Variants in FHOD3 observed in about 807,000 individuals in gnomAD.
FHOD3 encodes the protein FH1/FH2 domain-containing protein 3.
A neutral mutation model predicts 173.0 loss-of-function variants in FHOD3; 90 were observed. The ratio of observed to expected loss-of-function variants is 0.52; its 90% CI spans 0.44 to 0.62. The LOEUF (loss-of-function observed/expected upper bound fraction) is 0.62, where lower values mean the gene tolerates loss of function less well. FHOD3 is among the 20% of genes least tolerant of loss of function. The pLI is 0.00. For missense variants in FHOD3, 1,945 were observed against 2,034.7 expected (o/e 0.96, Z 0.85); for synonymous variants, 828 against 823.0 (o/e 1.01, Z -0.10).
intron 28 of FHOD3, among the ~76,000 whole-genome samples, chr18:36,772,694 G>T (rs538710663): frequency 6.6e-6 from 1 of 152,380 alleles, no homozygotes; most frequent in South Asian, 2.1e-4. Flanking sequence ...CAAGGGCCTC[G>T]TAATAGATTC....
At chr18:36,426,846 CAA>C (rs2050273658) in intron 3 of FHOD3, among the ~76,000 whole-genome samples, 1 of 152,142 alleles carries the variant, frequency 6.6e-6, no homozygotes, top group Admixed American at 6.5e-5. Flanking sequence ...CCATAAAACC[CAA>C]AGAGTGTGCC....
intron 5 of FHOD3, among the ~76,000 whole-genome samples, chr18:36,528,128 T>A (rs1331154708): frequency 6.6e-6 from 1 of 152,100 alleles, no homozygotes; most frequent in Non-Finnish European, 1.5e-5. Flanking sequence ...GGCAGGCCCT[T>A]CAATAAAGGA....
At chr18:36,612,129 A>T (rs778972185) in intron 9 of FHOD3, 34 bp downstream of exon 9, 27 of 1,596,236 alleles carry the variant, frequency 1.7e-5, no homozygotes, top group Non-Finnish European at 2.3e-5. Context: ...GGTATCGTAC[A>T]GCTTTGGCAA....
intron 8 of FHOD3, 134 bp downstream of exon 8, chr18:36,602,902 C>A (rs2031582099): frequency 2.9e-6 from 2 of 685,970 alleles, no homozygotes; most frequent in South Asian, 1.7e-5. Flanking sequence ...TGAGGGTGGG[C>A]TCTGATGCAG....
rs58493993 is a variant in FHOD3 at position 36,514,014 on chromosome 18, C to CTTTTTTTTTTTTTTTTTTTTTTTTTT, written c.511+1483_511+1484insTTTTTTTTTTTTTTTTTTTTTTTTTT. Among the ~76,000 whole-genome samples the CTTTTTTTTTTTTTTTTTTTTTTTTTT allele has an allele frequency of 2.5e-4, 26 of 104,640 alleles. 4 individuals carry two copies. The highest frequency in any genetic ancestry group is 5.4e-4 in the Admixed American group (5 of 9,344). 68.6% of individuals were successfully genotyped at this position (104,640 alleles called of 152,430 possible). A position where few individuals can be genotyped will look rare whatever the true frequency, so the allele number is the denominator to read the frequency against. ...ATTGCTGAATTTTGCTATTTCTATT[C>CTTTTTTTTTTTTTTTTTTTTTTTTTT]TTTTTTTTTTTTGAGATGGAGTCTT... On this transcript the variant is annotated intron_variant, in intron 5 of 28. Coordinates refer to ENST00000590592, the MANE Select transcript of FHOD3 (RefSeq NM_001281740.3).
intron 5 of FHOD3, among the ~76,000 whole-genome samples, chr18:36,545,742 G>T (rs1196083938): frequency 6.6e-6 from 1 of 152,230 alleles, no homozygotes; most frequent in East Asian, 1.9e-4. Context: ...ACATTTGAAC[G>T]ATACTGATGG....
chr18:36,614,927 C>T (rs1365835110), intron 9 of FHOD3, among the ~76,000 whole-genome samples: 7 of 149,780 alleles, frequency 4.7e-5, no homozygotes, highest in Admixed American at 2.0e-4. Context: ...CTCGGCTCAC[C>T]GCAACCTCCA....
chr18:36,609,607 CTTT>C (rs1181851197), intron 8 of FHOD3, among the ~76,000 whole-genome samples: 8 of 118,166 alleles, frequency 6.8e-5, no homozygotes, highest in Middle Eastern at 4.6e-3. Flanking sequence ...CTTTTTAGTT[CTTT>C]TTTTTTTTTT....
chr18:36,720,800 T>TCCTCTTCCTCCC (rs1283821525), intron 19 of FHOD3, among the ~76,000 whole-genome samples: 1 of 107,078 alleles, frequency 9.3e-6, no homozygotes, highest in Non-Finnish European at 2.0e-5. Flanking sequence ...CTCTTCCTCC[T>TCCTCTTCCTCCC]CCTCTTCCTC....
chr18:36,553,115 T>C (rs2057728825), intron 5 of FHOD3, among the ~76,000 whole-genome samples: 1 of 152,198 alleles, frequency 6.6e-6, no homozygotes, highest in East Asian at 1.9e-4. Flanking sequence ...ATATGATGGA[T>C]TACATTTATT....
chr18:36,681,332 G>C, intron 14 of FHOD3, 104 bp from the exon 15 acceptor site: 1 of 1,391,030 alleles, frequency 7.2e-7, no homozygotes, highest in South Asian at 1.4e-5. Flanking sequence ...GCATTGCCTA[G>C]GTACCGGCAG....
At chr18:36,736,094 GCTTGCAGCTCTCAACCCCTCT>G (rs1351357704) in intron 20 of FHOD3, among the ~76,000 whole-genome samples, 3 of 152,252 alleles carry the variant, frequency 2.0e-5, no homozygotes, top group African/African-American at 7.2e-5. Flanking sequence ...CACTTACTCA[GCTTGCAGCTCTCAACCCCTCT>G]AGGGAGTGGG....
chr18:36,579,455 T>A (rs181801410), intron 6 of FHOD3, among the ~76,000 whole-genome samples: 7 of 152,154 alleles, frequency 4.6e-5, no homozygotes, highest in African/African-American at 1.7e-4. Context: ...TGGGGAAGAA[T>A]CACTGTGAGC....
chr18:36,309,077 G>C (rs1375045625), intron 1 of FHOD3, among the ~76,000 whole-genome samples: 2 of 152,102 alleles, frequency 1.3e-5, no homozygotes, highest in Non-Finnish European at 2.9e-5. Flanking sequence ...ATGCTGTCCT[G>C]GATGGTGTGG....
chr18:36,340,771 G>A (rs2045572235), intron 1 of FHOD3, among the ~76,000 whole-genome samples: 1 of 151,890 alleles, frequency 6.6e-6, no homozygotes, highest in South Asian at 2.1e-4. Flanking sequence ...CGAGTAGCTG[G>A]GACTACAGGC....
rs148682608 is a variant in FHOD3, at chr18:36,653,738, A to G, written c.1721+322A>G. On this transcript the variant is annotated intron_variant, in intron 13 of 28. Transcript: ENST00000590592. ...GGGGAACTGGGAATAGAGTTGGCAT[A>G]TTTTGAACAATCAGTCGTCCAAAAA... 4.9e-3 allele frequency among the ~76,000 whole-genome samples: 743 copies of G among 152,286 alleles called. 5 individuals are homozygous for G. Among genetic ancestry groups the G allele is most frequent in the African/African-American group, 0.016 (669 of 41,554 alleles).
At chr18:36,515,101 G>A (rs757699475) in intron 5 of FHOD3, among the ~76,000 whole-genome samples, 2 of 152,202 alleles carry the variant, frequency 1.3e-5, no homozygotes, top group Admixed American at 6.5e-5. Context: ...ACAGGTCCTG[G>A]TGGTGAGGGG....
chr18:36,426,151 GC>G (rs983333983), intron 3 of FHOD3, among the ~76,000 whole-genome samples: 126 of 151,874 alleles, frequency 8.3e-4, no homozygotes, highest in African/African-American at 2.9e-3. Context: ...TGATCCGCCC[GC>G]CTCAGCCTCC....
At chr18:36,579,914 C>A (rs550198301) in intron 6 of FHOD3, among the ~76,000 whole-genome samples, 76 of 150,236 alleles carry the variant, frequency 5.1e-4, no homozygotes, top group African/African-American at 1.8e-3. Flanking sequence ...AGAAGGACCA[C>A]GGAGGAGGAA....
Sources: allele counts gnomAD v4.1 joint callset (sites outside exome capture counted in the v4.1 genomes callset), GRCh38; gene constraint gnomAD v4.1.1; transcripts MANE v1.5; gene names NCBI Gene and HGNC (gene_info 2026-07-23, HGNC 2026-07-21).